Variants in NAALADL2 observed in about 807,000 individuals in gnomAD.
NAALADL2 encodes the protein N-acetylated alpha-linked acidic dipeptidase like 2.
A neutral mutation model predicts 87.2 loss-of-function variants in NAALADL2; 76 were observed. The ratio of observed to expected loss-of-function variants is 0.87; its 90% confidence interval spans 0.72 to 1.05. The LOEUF is 1.05. NAALADL2 is among the 50% of genes least tolerant of loss of function. The pLI, the probability that NAALADL2 is intolerant of heterozygous loss-of-function variation, is 0.00. For synonymous variants in NAALADL2, 354 were observed against 331.0 expected, an observed-to-expected ratio of 1.07 and a Z score of -0.75; for missense variants, 1,089 against 945.8, an observed-to-expected ratio of 1.15 and a Z score of -1.99.
intron 10 of NAALADL2, among the ~76,000 whole-genome samples, chr3:175,578,868 G>A (rs1053574572): frequency 2.0e-5 from 3 of 152,226 alleles, no homozygotes; most frequent in Non-Finnish European, 4.4e-5. Flanking sequence ...TCACTAGCCT[G>A]CCATGTTGTT....
intron 2 of NAALADL2, among the ~76,000 whole-genome samples, chr3:174,710,440 G>C (rs965809958): frequency 2.6e-5 from 4 of 151,916 alleles, no homozygotes; most frequent in Non-Finnish European, 5.9e-5. Context: ...TTTTAGTAGA[G>C]ACGGGATTTC....
At chr3:174,454,455 T>G (rs1589516) in intron 1 of NAALADL2, among the ~76,000 whole-genome samples, 70,183 of 151,904 alleles carry the variant, frequency 0.46, 17,746 homozygotes, top group East Asian at 0.92. Flanking sequence ...ATCACCACAT[T>G]ACACATACTC....
At chr3:174,576,153 G>A (rs990641649) in intron 2 of NAALADL2, among the ~76,000 whole-genome samples, 8 of 152,054 alleles carry the variant, frequency 5.3e-5, no homozygotes, top group East Asian at 1.9e-4. Context: ...GTGAGCCACC[G>A]TGCCCAGCCT....
intron 5 of NAALADL2, among the ~76,000 whole-genome samples, chr3:175,406,656 A>G (rs1376604331): frequency 6.6e-6 from 1 of 152,178 alleles, no homozygotes; most frequent in Non-Finnish European, 1.5e-5. Context: ...CTTATTACAT[A>G]AATGGTGGGA....
chr3:175,574,389 T>A (rs1481674096), intron 9 of NAALADL2, among the ~76,000 whole-genome samples: 1 of 152,206 alleles, frequency 6.6e-6, no homozygotes, highest in Non-Finnish European at 1.5e-5. Context: ...GGATTCAAAC[T>A]TGTTTAGTTC....
At chr3:175,256,152 T>C (rs1438854512) in intron 3 of NAALADL2, among the ~76,000 whole-genome samples, 1 of 152,212 alleles carries the variant, frequency 6.6e-6, no homozygotes, top group Non-Finnish European at 1.5e-5. Context: ...AAGAATGAAC[T>C]GTGTTTGTAA....
chr3:174,642,833 A>G (rs1053330123), intron 2 of NAALADL2, among the ~76,000 whole-genome samples: 13 of 147,508 alleles, frequency 8.8e-5, no homozygotes, highest in African/African-American at 3.3e-4. Flanking sequence ...GCCCAGGCTG[A>G]GTACTGTGAT....
At chr3:175,778,168 C>T (rs1220108971) in intron 13 of NAALADL2, among the ~76,000 whole-genome samples, 1 of 152,114 alleles carries the variant, frequency 6.6e-6, no homozygotes, top group Non-Finnish European at 1.5e-5. Context: ...GGTTGAATTA[C>T]TAGGGATGTG....
chr3:175,034,701 T>C (rs7616705), intron 1 of NAALADL2, among the ~76,000 whole-genome samples: 21,892 of 152,068 alleles, frequency 0.14, 2,587 homozygotes, highest in African/African-American at 0.33. Flanking sequence ...CTTTGTCTCC[T>C]ACTGCTGGCT....
intron 9 of NAALADL2, among the ~76,000 whole-genome samples, chr3:175,574,364 G>T (rs1718544838): frequency 6.6e-6 from 1 of 152,172 alleles, no homozygotes; most frequent in South Asian, 2.1e-4. Context: ...AATCAGGCCT[G>T]TTTATGCAAA....
At chr3:175,103,106 C>A (rs79657945) in intron 2 of NAALADL2, among the ~76,000 whole-genome samples, 577 of 122,150 alleles carry the variant, frequency 4.7e-3, no homozygotes, top group Non-Finnish European at 5.2e-3. Flanking sequence ...GACTCCGTCT[C>A]AAAAAAAAAA....
intron 11 of NAALADL2, among the ~76,000 whole-genome samples, chr3:175,699,337 A>C (rs1738652793): frequency 6.6e-6 from 1 of 152,014 alleles, no homozygotes; most frequent in Non-Finnish European, 1.5e-5. Flanking sequence ...ATCCATATAG[A>C]TGACAGGCAA....
chr3:175,340,211 G>A (rs950318778), intron 5 of NAALADL2, among the ~76,000 whole-genome samples: 3 of 152,058 alleles, frequency 2.0e-5, no homozygotes, highest in Middle Eastern at 3.2e-3. Context: ...TTAAGTATAA[G>A]GAATGCTACA....
chr3:175,367,504 T>G (rs1487349498), intron 5 of NAALADL2, among the ~76,000 whole-genome samples: 1 of 152,202 alleles, frequency 6.6e-6, no homozygotes, highest in East Asian at 1.9e-4. Context: ...TGGAATGTTC[T>G]TCCATTTGTT....
chr3:175,318,941 A>C (rs1759493189), intron 4 of NAALADL2, among the ~76,000 whole-genome samples: 1 of 151,744 alleles, frequency 6.6e-6, no homozygotes, highest in Non-Finnish European at 1.5e-5. Flanking sequence ...AGATTCATCC[A>C]TGTTTCCCTT....
intron 1 of NAALADL2, among the ~76,000 whole-genome samples, chr3:174,879,418 T>C (rs1728914468): frequency 6.6e-6 from 1 of 152,096 alleles, no homozygotes; most frequent in African/African-American, 2.4e-5. Context: ...ACTTTGTCTT[T>C]AATATACATA....
chr3:174,815,389 A>G (rs142929609), intron 3 of NAALADL2, among the ~76,000 whole-genome samples: 5 of 152,046 alleles, frequency 3.3e-5, no homozygotes, highest in African/African-American at 1.2e-4. Flanking sequence ...TCTTCACATC[A>G]TCTTCCTTCT....
chr3:175,278,505 T>C (rs1023474763), intron 4 of NAALADL2, among the ~76,000 whole-genome samples: 1 of 152,178 alleles, frequency 6.6e-6, no homozygotes, highest in African/African-American at 2.4e-5. Context: ...ACACTCACCA[T>C]AGTGATTTTA....
At chr3:175,551,069 A>AGT (rs144952220) in intron 9 of NAALADL2, among the ~76,000 whole-genome samples, 1 of 150,798 alleles carries the variant, frequency 6.6e-6, no homozygotes, top group East Asian at 1.9e-4. Context: ...GAGAGAGACG[A>AGT]GTGTGTGTGT....
Sources: allele counts gnomAD v4.1 joint callset (sites outside exome capture counted in the v4.1 genomes callset), GRCh38; gene constraint gnomAD v4.1.1; transcripts MANE v1.5; gene names NCBI Gene and HGNC (gene_info 2026-07-23, HGNC 2026-07-21).